Variants in TEX11 observed in about 807,000 individuals in gnomAD.
The protein encoded by TEX11 is testis expressed 11, also known as testis-expressed protein 11.
TEX11 carries 7 observed loss-of-function variants against 84.4 expected under a neutral mutation model. The ratio of observed to expected loss-of-function variants is 0.08; its 90% CI spans 0.05 to 0.16. TEX11 has a LOEUF of 0.16. TEX11 is among the 10% of genes least tolerant of loss of function. The pLI, the probability that TEX11 is intolerant of heterozygous loss-of-function variation, is 1.00. For synonymous variants in TEX11, 264 were observed against 222.8 expected, an observed-to-expected ratio of 1.18 and a Z score of -1.64; for missense variants, 551 against 660.5, an observed-to-expected ratio of 0.83 and a Z score of 1.82.
intron 13 of TEX11, among the ~76,000 whole-genome samples, chrX:70,719,757 A>T (rs2090539808): frequency 8.9e-6 from 1 of 112,351 alleles, no homozygotes; most frequent in Admixed American, 9.5e-5. Context: ...CAGCCAAAAG[A>T]TACGTGAAAA....
At chrX:70,537,016 G>A (rs984278504) in intron 28 of TEX11, among the ~76,000 whole-genome samples, 6 of 111,748 alleles carry the variant, frequency 5.4e-5, no homozygotes, top group Non-Finnish European at 7.5e-5. Context: ...ATGATGGACA[G>A]GCAGTAAAAT....
intron 28 of TEX11, among the ~76,000 whole-genome samples, chrX:70,536,602 T>C (rs2087961598): frequency 8.9e-6 from 1 of 112,332 alleles, no homozygotes; most frequent in Non-Finnish European, 1.9e-5. Flanking sequence ...TGATGTGATA[T>C]ACCTTTTCCA....
At chrX:70,823,049 T>C (rs754545936) in intron 8 of TEX11, among the ~76,000 whole-genome samples, 4 of 110,378 alleles carry the variant, frequency 3.6e-5, no homozygotes, top group Non-Finnish European at 7.6e-5. Flanking sequence ...CGTCAAACAT[T>C]GAACCCATAC....
intron 4 of TEX11, among the ~76,000 whole-genome samples, chrX:70,866,616 C>T (rs2091600645): frequency 9.0e-6 from 1 of 111,431 alleles, no homozygotes; most frequent in South Asian, 3.8e-4. Context: ...AGGCCAATAT[C>T]CCTGATGAAC....
At position 70,643,968 on chromosome X, in the gene TEX11, A is replaced by G. The variant is rs1201657506; in HGVS notation, c.1483+7482T>C. ...CTTCTGCACAGCAAAAGAAACTACC[A>G]TCAGAGTGAACAGGCAACCTACAAA... is the stretch of plus-strand genomic sequence containing the variant. On this transcript the variant is annotated intron_variant, in intron 17 of 29. Transcript: ENST00000374333. 2.5e-3 allele frequency among the ~76,000 whole-genome samples: 260 copies of G among 103,959 alleles called. 2 individuals carry two copies. The highest frequency in any genetic ancestry group is 4.7e-3 in the Middle Eastern group (1 of 213). 90.3% of individuals were successfully genotyped at this position (103,959 alleles called of 115,157 possible). A position where few individuals can be genotyped will look rare whatever the true frequency, so the allele number is the denominator to read the frequency against.
chrX:70,758,176 G>A (rs1331722940), intron 9 of TEX11, among the ~76,000 whole-genome samples: 1 of 111,537 alleles, frequency 9.0e-6, no homozygotes, highest in African/African-American at 3.3e-5. Context: ...ATAATAATGG[G>A]AGACTTTAAC....
At chrX:70,840,408 A>C (rs111499209) in intron 7 of TEX11, among the ~76,000 whole-genome samples, 2,419 of 111,289 alleles carry the variant, frequency 0.022, 65 homozygotes, top group African/African-American at 0.075. Flanking sequence ...GAAATAAAAT[A>C]CTTTACAGAC....
chrX:70,731,045 G>C (rs56059640), intron 11 of TEX11, among the ~76,000 whole-genome samples: 27,059 of 110,852 alleles, frequency 0.24, 2,976 homozygotes, highest in African/African-American at 0.42. Context: ...ACCTGCTCCT[G>C]AATGACTACT....
At chrX:70,589,108 T>C (rs2088892949) in intron 25 of TEX11, among the ~76,000 whole-genome samples, 1 of 110,812 alleles carries the variant, frequency 9.0e-6, no homozygotes, top group African/African-American at 3.3e-5. Flanking sequence ...GTAATGGTTG[T>C]ACAACTGTAC....
At chrX:70,683,930 G>A in intron 13 of TEX11, among the ~76,000 whole-genome samples, 1 of 111,794 alleles carries the variant, frequency 8.9e-6, no homozygotes, top group Non-Finnish European at 1.9e-5. Flanking sequence ...ATGGTGATAG[G>A]ACAGTCCTTT....
chrX:70,786,055 A>G (rs947588837), intron 9 of TEX11, among the ~76,000 whole-genome samples: 2 of 112,233 alleles, frequency 1.8e-5, no homozygotes, highest in Non-Finnish European at 3.8e-5. Flanking sequence ...AATAGTAAAG[A>G]CTTGGAACCA....
intron 25 of TEX11, among the ~76,000 whole-genome samples, chrX:70,569,275 C>G (rs1316845758): frequency 8.9e-6 from 1 of 111,800 alleles, no homozygotes; most frequent in African/African-American, 3.2e-5. Flanking sequence ...TTAAGCACTT[C>G]TCTGTATTGG....
At chrX:70,579,582 G>T (rs930399238) in intron 25 of TEX11, among the ~76,000 whole-genome samples, 5 of 110,102 alleles carry the variant, frequency 4.5e-5, no homozygotes, top group African/African-American at 1.6e-4. Context: ...AAAAGTATTT[G>T]CAAACTACCC....
At chrX:70,711,052 C>T (rs1199904412) in intron 13 of TEX11, among the ~76,000 whole-genome samples, 1 of 108,369 alleles carries the variant, frequency 9.2e-6, no homozygotes. Flanking sequence ...GGTTTTTTGT[C>T]CTTGCGATAG....
intron 28 of TEX11, among the ~76,000 whole-genome samples, chrX:70,532,525 C>T (rs1027315412): frequency 6.3e-4 from 68 of 108,387 alleles, no homozygotes; most frequent in Non-Finnish European, 1.7e-4. Flanking sequence ...CACCTGAGGT[C>T]GGGAGTTCGA....
chrX:70,549,017 A>G (rs951149417), intron 28 of TEX11, among the ~76,000 whole-genome samples: 12 of 111,001 alleles, frequency 1.1e-4, no homozygotes, highest in African/African-American at 3.9e-4. Context: ...CTTCCACTAG[A>G]GGAGAGGAGA....
chrX:70,794,932 TC>T (rs2091147243), intron 9 of TEX11, among the ~76,000 whole-genome samples: 1 of 106,894 alleles, frequency 9.4e-6, no homozygotes, highest in Non-Finnish European at 1.9e-5. Flanking sequence ...AGAGTCTCCT[TC>T]TGCTTGACAA....
chrX:70,519,482 G>C, the TEX11 span, among the ~76,000 whole-genome samples: 1 of 112,188 alleles, frequency 8.9e-6, no homozygotes, highest in Non-Finnish European at 1.9e-5. Flanking sequence ...TGAGAGATCA[G>C]CTGTTAGTCC....
the TEX11 span, among the ~76,000 whole-genome samples, chrX:70,519,517 C>T: frequency 8.9e-6 from 1 of 111,915 alleles, no homozygotes; most frequent in Admixed American, 9.5e-5. Flanking sequence ...TGTGGGTCAC[C>T]TAACCTTTCT....
Sources: allele counts gnomAD v4.1 joint callset (sites outside exome capture counted in the v4.1 genomes callset), GRCh38; gene constraint gnomAD v4.1.1; transcripts MANE v1.5; gene names NCBI Gene and HGNC (gene_info 2026-07-23, HGNC 2026-07-21).